The following RANBP2 variants were observed in gnomAD, a reference collection of about 807,000 sequenced individuals.
The protein encoded by RANBP2 is RAN binding protein 2, also known as E3 SUMO-protein ligase RanBP2.
RANBP2 carries 57 observed loss-of-function variants against 303.6 expected under a neutral mutation model. That is an observed-to-expected ratio of 0.19 (90% CI 0.15 to 0.23). The LOEUF is 0.23. Among genes scored for constraint, RANBP2 ranks in the 10% least tolerant of loss-of-function variants. The pLI is 1.00. For synonymous variants in RANBP2, 1,167 were observed against 1,301.5 expected (o/e 0.90, Z 2.23); for missense variants, 3,138 against 3,780.8 (o/e 0.83, Z 4.46).
the RANBP2 span, chr2:109,613,791 G>C: frequency 8.1e-7 from 1 of 1,229,358 alleles, no homozygotes; most frequent in Non-Finnish European, 1.0e-6. Context: ...GCGTCGGCGG[G>C]ACTCACCAGG....
At chr2:109,152,609 A>G in the RANBP2 span, among the ~76,000 whole-genome samples, 2 of 152,246 alleles carry the variant, frequency 1.3e-5, no homozygotes, top group African/African-American at 4.8e-5. Context: ...ATTTATATTT[A>G]AAGCTGTGGG....
At chr2:108,888,885 T>C in the RANBP2 span, among the ~76,000 whole-genome samples, 1 of 152,002 alleles carries the variant, frequency 6.6e-6, no homozygotes, top group African/African-American at 2.4e-5. Flanking sequence ...TTGAGGTATA[T>C]TGTTTGATTG....
the RANBP2 span, among the ~76,000 whole-genome samples, chr2:109,320,936 T>C: frequency 2.6e-5 from 4 of 152,230 alleles, no homozygotes; most frequent in African/African-American, 7.2e-5. Flanking sequence ...TGTAAAGTGA[T>C]GGTAATATTG....
At chr2:109,126,896 G>C in the RANBP2 span, among the ~76,000 whole-genome samples, 4 of 152,200 alleles carry the variant, frequency 2.6e-5, no homozygotes, top group African/African-American at 4.8e-5. Flanking sequence ...TGCCTGATGG[G>C]TCCCCTCTTT....
the RANBP2 span, among the ~76,000 whole-genome samples, chr2:109,063,968 C>T: frequency 6.6e-6 from 1 of 152,078 alleles, no homozygotes; most frequent in Non-Finnish European, 1.5e-5. Flanking sequence ...AAAATGGCTG[C>T]CACAGGTCCA....
chr2:109,293,764 T>G, the RANBP2 span, among the ~76,000 whole-genome samples: 1 of 152,308 alleles, frequency 6.6e-6, no homozygotes, highest in African/African-American at 2.4e-5. Flanking sequence ...GTGAACAGGG[T>G]GCACCCTCTC....
chr2:109,105,600 G>T, the RANBP2 span, among the ~76,000 whole-genome samples: 1 of 152,138 alleles, frequency 6.6e-6, no homozygotes, highest in African/African-American at 2.4e-5. Flanking sequence ...TGTTGCTCAG[G>T]CTGGAGTACA....
At chr2:109,520,662 G>A in the RANBP2 span, among the ~76,000 whole-genome samples, 3 of 137,442 alleles carry the variant, frequency 2.2e-5, no homozygotes, top group Non-Finnish European at 3.3e-5. Context: ...CAGGCACAGC[G>A]GCTCACGCCT....
the RANBP2 span, among the ~76,000 whole-genome samples, chr2:109,491,572 AGGCTGTG>A: frequency 6.6e-6 from 1 of 152,134 alleles, no homozygotes; most frequent in African/African-American, 2.4e-5. Flanking sequence ...TGGCCCACTA[AGGCTGTG>A]GGCTGTGGGG....
the RANBP2 span, among the ~76,000 whole-genome samples, chr2:109,450,284 T>C: frequency 1.3e-5 from 2 of 151,552 alleles, no homozygotes; most frequent in Admixed American, 6.6e-5. Context: ...GGGCAGAGCC[T>C]GCAGTGAGCC....
the RANBP2 span, among the ~76,000 whole-genome samples, chr2:109,723,415 G>T: frequency 6.6e-6 from 1 of 152,170 alleles, no homozygotes; most frequent in African/African-American, 2.4e-5. Flanking sequence ...CCCCCAAAGT[G>T]CTGGGATTAC....
At chr2:109,370,219 CTG>C in the RANBP2 span, among the ~76,000 whole-genome samples, 3 of 149,288 alleles carry the variant, frequency 2.0e-5, no homozygotes, top group Admixed American at 6.6e-5. Flanking sequence ...GTCTCTGTCT[CTG>C]TCTCTGTCTC....
At chr2:108,812,926 A>T in the RANBP2 span, 1 of 1,612,278 alleles carries the variant, frequency 6.2e-7, no homozygotes, top group Non-Finnish European at 8.5e-7. Flanking sequence ...AAAACTTACA[A>T]GGTAAGTTTG....
the RANBP2 span, chr2:109,501,551 G>A: frequency 1.3e-6 from 1 of 779,756 alleles, no homozygotes; most frequent in Non-Finnish European, 2.4e-6. Flanking sequence ...CGGAGATCGA[G>A]CTGAAGGAAG....
the RANBP2 span, among the ~76,000 whole-genome samples, chr2:109,021,899 C>G: frequency 6.6e-6 from 1 of 152,138 alleles, no homozygotes; most frequent in South Asian, 2.1e-4. Context: ...TCACCTTCCA[C>G]CAGGGATTGA....
the RANBP2 span, among the ~76,000 whole-genome samples, chr2:109,011,015 G>A: frequency 6.6e-6 from 1 of 152,156 alleles, no homozygotes; most frequent in African/African-American, 2.4e-5. Context: ...CATGCAAGGT[G>A]TCTCTTTGGC....
At chr2:109,437,622 T>C in the RANBP2 span, among the ~76,000 whole-genome samples, 1 of 152,114 alleles carries the variant, frequency 6.6e-6, no homozygotes, top group African/African-American at 2.4e-5. Context: ...AGGACAGGGC[T>C]GGGGTGAGAC....
chr2:109,343,295 C>T, the RANBP2 span, among the ~76,000 whole-genome samples: 39,915 of 152,196 alleles, frequency 0.26, 6,904 homozygotes, highest in African/African-American at 0.5. Flanking sequence ...GTGAGCATTT[C>T]CTGATGAGAT....
the RANBP2 span, among the ~76,000 whole-genome samples, chr2:109,642,147 C>T: frequency 1.3e-5 from 2 of 151,910 alleles, no homozygotes; most frequent in Admixed American, 1.3e-4. Flanking sequence ...AGGCTGGTCT[C>T]GAACTCCTGA....
Sources: allele counts gnomAD v4.1 joint callset (sites outside exome capture counted in the v4.1 genomes callset), GRCh38; gene constraint gnomAD v4.1.1; transcripts MANE v1.5; gene names NCBI Gene and HGNC (gene_info 2026-07-23, HGNC 2026-07-21).